The following CNTNAP5 variants were observed in gnomAD, a reference collection of about 807,000 sequenced individuals.
CNTNAP5 encodes the protein contactin associated protein family member 5, also known as contactin-associated protein-like 5.
CNTNAP5 carries 72 observed loss-of-function variants against 150.2 expected under a neutral mutation model. The ratio of observed to expected loss-of-function variants is 0.48; its 90% confidence interval spans 0.40 to 0.58. CNTNAP5 has a LOEUF of 0.58. CNTNAP5 is among the 20% of genes least tolerant of loss of function. CNTNAP5 has a pLI of 0.00. For synonymous variants in CNTNAP5, 672 were observed against 619.8 expected (o/e 1.08, Z -1.25); for missense variants, 1,636 against 1,626.2 (o/e 1.01, Z -0.10).
At chr2:124,615,449 A>G (rs1677475814) in intron 12 of CNTNAP5, among the ~76,000 whole-genome samples, 1 of 152,224 alleles carries the variant, frequency 6.6e-6, no homozygotes, top group African/African-American at 2.4e-5. Context: ...ATCCATAAGA[A>G]GCAACTCCTC....
chr2:124,836,823 T>G (rs942950003), intron 19 of CNTNAP5, among the ~76,000 whole-genome samples: 1 of 152,134 alleles, frequency 6.6e-6, no homozygotes, highest in Non-Finnish European at 1.5e-5. Context: ...GAACAGTGAT[T>G]AATTATACAC....
At chr2:124,229,117 G>A (rs1393128904) in intron 2 of CNTNAP5, among the ~76,000 whole-genome samples, 1 of 151,196 alleles carries the variant, frequency 6.6e-6, no homozygotes, top group African/African-American at 2.5e-5. Context: ...GGAAGAAAGT[G>A]TGCGTAACTG....
intron 21 of CNTNAP5, among the ~76,000 whole-genome samples, chr2:124,890,077 A>T (rs1012212524): frequency 1.3e-5 from 2 of 152,130 alleles, no homozygotes; most frequent in East Asian, 1.9e-4. Flanking sequence ...TAGATTTATT[A>T]TTTTTATCCT....
At chr2:124,510,321 C>CTATATATATATATCTATATATT (rs1403460082) in intron 8 of CNTNAP5, among the ~76,000 whole-genome samples, 1 of 40,090 alleles carries the variant, frequency 2.5e-5, no homozygotes, top group Admixed American at 2.9e-4. Context: ...ATCTATATAT[C>CTATATATATATATCTATATATT]TATCTATATA....
chr2:124,445,191 G>A (rs1692783754), intron 5 of CNTNAP5, among the ~76,000 whole-genome samples: 1 of 151,078 alleles, frequency 6.6e-6, no homozygotes, highest in Admixed American at 6.6e-5. Context: ...CCAGGTTCAA[G>A]CAATTCTCCT....
At chr2:124,043,492 A>G (rs1363903409) in intron 1 of CNTNAP5, among the ~76,000 whole-genome samples, 6 of 152,244 alleles carry the variant, frequency 3.9e-5, no homozygotes, top group African/African-American at 1.4e-4. Context: ...CACTTCTCTC[A>G]ATCTTTTCAA....
chr2:124,675,995 G>C (rs1056842564), intron 13 of CNTNAP5, among the ~76,000 whole-genome samples: 3 of 151,996 alleles, frequency 2.0e-5, no homozygotes, highest in African/African-American at 7.2e-5. Flanking sequence ...TACAGATACA[G>C]GTTTGTTTTC....
intron 11 of CNTNAP5, among the ~76,000 whole-genome samples, chr2:124,571,116 G>A (rs1696142605): frequency 6.6e-6 from 1 of 152,184 alleles, no homozygotes; most frequent in South Asian, 2.1e-4. Context: ...GTTAGCTGCT[G>A]TTTAAATAGA....
chr2:124,088,444 G>A (rs960082193), intron 1 of CNTNAP5, among the ~76,000 whole-genome samples: 4 of 151,808 alleles, frequency 2.6e-5, no homozygotes, highest in African/African-American at 9.7e-5. Context: ...TTTGATGTAT[G>A]CATTTATTGT....
At chr2:124,574,983 T>C (rs151264551) in intron 11 of CNTNAP5, among the ~76,000 whole-genome samples, 323 of 152,334 alleles carry the variant, frequency 2.1e-3, no homozygotes, top group African/African-American at 7.4e-3. Flanking sequence ...TTGGGATAAA[T>C]TCATGAATCA....
chr2:124,184,338 G>A (rs1685278474), intron 1 of CNTNAP5, among the ~76,000 whole-genome samples: 1 of 152,178 alleles, frequency 6.6e-6, no homozygotes, highest in South Asian at 2.1e-4. Flanking sequence ...GCATGGAGAA[G>A]CAATGTGATT....
chr2:124,150,005 C>A (rs1011466677), intron 1 of CNTNAP5, among the ~76,000 whole-genome samples: 1 of 152,150 alleles, frequency 6.6e-6, no homozygotes, highest in African/African-American at 2.4e-5. Context: ...GTCTCTTGTA[C>A]CCTCTCTGCT....
chr2:124,182,898 T>C (rs959164889), intron 1 of CNTNAP5, among the ~76,000 whole-genome samples: 1 of 152,176 alleles, frequency 6.6e-6, no homozygotes, highest in East Asian at 1.9e-4. Context: ...CACTATTACA[T>C]TTCTGAATCT....
chr2:124,648,180 A>G (rs935871305), intron 13 of CNTNAP5, among the ~76,000 whole-genome samples: 6 of 152,194 alleles, frequency 3.9e-5, no homozygotes, highest in Non-Finnish European at 5.9e-5. Flanking sequence ...TTTTCTCCTC[A>G]TCATAAAGAA....
At chr2:124,241,831 G>A (rs970907780) in intron 2 of CNTNAP5, among the ~76,000 whole-genome samples, 1 of 152,190 alleles carries the variant, frequency 6.6e-6, no homozygotes, top group Non-Finnish European at 1.5e-5. Flanking sequence ...CAGAGAGAGA[G>A]AGAGAGAGCA....
chr2:124,573,727 A>T (rs1305452179), intron 11 of CNTNAP5, among the ~76,000 whole-genome samples: 2 of 152,186 alleles, frequency 1.3e-5, no homozygotes, highest in African/African-American at 2.4e-5. Flanking sequence ...TACATAAAAA[A>T]TTCAATATAT....
chr2:124,718,517 C>T (rs1679988989), intron 13 of CNTNAP5, among the ~76,000 whole-genome samples: 1 of 152,136 alleles, frequency 6.6e-6, no homozygotes, highest in African/African-American at 2.4e-5. Flanking sequence ...CCAAACTGCC[C>T]ATTTATTGGA....
At chr2:124,101,956 C>T (rs1683075203) in intron 1 of CNTNAP5, among the ~76,000 whole-genome samples, 1 of 152,122 alleles carries the variant, frequency 6.6e-6, no homozygotes, top group East Asian at 1.9e-4. Flanking sequence ...CTGACTTGCC[C>T]CTCTCACAGG....
intron 2 of CNTNAP5, among the ~76,000 whole-genome samples, chr2:124,229,489 C>CAA (rs1009969358): frequency 6.6e-6 from 1 of 151,118 alleles, no homozygotes; most frequent in Non-Finnish European, 1.5e-5. Flanking sequence ...TCATCACACA[C>CAA]AAAAAAAATG....
Sources: allele counts gnomAD v4.1 joint callset (sites outside exome capture counted in the v4.1 genomes callset), GRCh38; gene constraint gnomAD v4.1.1; transcripts MANE v1.5; gene names NCBI Gene and HGNC (gene_info 2026-07-23, HGNC 2026-07-21).